Variants in PTPRO observed in about 807,000 individuals in gnomAD.
PTPRO encodes the protein protein tyrosine phosphatase receptor type O.
Under a neutral mutation model 145.2 loss-of-function variants are expected in PTPRO, and 62 were observed. The ratio of observed to expected loss-of-function variants is 0.43; its 90% confidence interval spans 0.35 to 0.53. The LOEUF (loss-of-function observed/expected upper bound fraction) is 0.53, where lower values mean the gene tolerates loss of function less well. Among genes scored for constraint, PTPRO ranks in the 20% least tolerant of loss-of-function variants. The pLI, the probability that PTPRO is intolerant of heterozygous loss-of-function variation, is 0.01. For missense variants in PTPRO, 1,345 were observed against 1,482.7 expected (o/e 0.91, Z 1.53); for synonymous variants, 565 against 514.7 (o/e 1.10, Z -1.32).
intron 12 of PTPRO, among the ~76,000 whole-genome samples, chr12:15,529,472 A>AG (rs1942912471): frequency 6.6e-6 from 1 of 151,178 alleles, no homozygotes; most frequent in African/African-American, 2.4e-5. Flanking sequence ...TCTACTAAAA[A>AG]AAAAAAAAAA....
intron 1 of PTPRO, chr12:15,439,733 A>G: frequency 1.8e-6 from 1 of 541,150 alleles, no homozygotes; most frequent in Non-Finnish European, 3.6e-6. Flanking sequence ...CCTCCTAGTC[A>G]AGGACATGAA....
intron 17 of PTPRO, among the ~76,000 whole-genome samples, chr12:15,560,640 A>T (rs1366178064): frequency 6.6e-6 from 1 of 152,128 alleles, no homozygotes; most frequent in Non-Finnish European, 1.5e-5. Flanking sequence ...ATGCATTAAG[A>T]TGGAGAAATC....
At chr12:15,367,198 A>C (rs1357671406) in intron 1 of PTPRO, among the ~76,000 whole-genome samples, 1 of 152,220 alleles carries the variant, frequency 6.6e-6, no homozygotes, top group African/African-American at 2.4e-5. Context: ...TCAAAGTAAG[A>C]AAATTTATAG....
intron 12 of PTPRO, among the ~76,000 whole-genome samples, chr12:15,529,467 T>TA (rs371217992): frequency 0.44 from 57,848 of 131,452 alleles, 12,196 homozygotes; most frequent in Admixed American, 0.49. Context: ...TCATCTCTAC[T>TA]AAAAAAAAAA....
intron 1 of PTPRO, among the ~76,000 whole-genome samples, chr12:15,413,743 A>C (rs1297163906): frequency 6.6e-6 from 1 of 152,156 alleles, no homozygotes; most frequent in East Asian, 1.9e-4. Flanking sequence ...TGAGCCTGAG[A>C]GGCGGAGGTT....
chr12:15,341,384 G>T (rs569738791), intron 1 of PTPRO, among the ~76,000 whole-genome samples: 15 of 152,178 alleles, frequency 9.9e-5, no homozygotes, highest in African/African-American at 3.6e-4. Flanking sequence ...TAGTTAAGCA[G>T]GCTATGTCAT....
chr12:15,367,834 C>T (rs534008043), intron 1 of PTPRO, among the ~76,000 whole-genome samples: 5 of 152,262 alleles, frequency 3.3e-5, no homozygotes, highest in African/African-American at 7.2e-5. Context: ...ACCTGACGGG[C>T]TGTTGTTGGG....
intron 14 of PTPRO, among the ~76,000 whole-genome samples, chr12:15,550,990 G>T (rs1432457962): frequency 6.6e-6 from 1 of 152,116 alleles, no homozygotes; most frequent in Non-Finnish European, 1.5e-5. Flanking sequence ...CTTGAGCTGT[G>T]CAGATGGAAA....
At chr12:15,591,359 A>G (rs771008107) in intron 25 of PTPRO, among the ~76,000 whole-genome samples, 68 of 152,092 alleles carry the variant, frequency 4.5e-4, no homozygotes, top group Non-Finnish European at 3.2e-4. Flanking sequence ...CGACAGAGTG[A>G]GACTCCATCT....
At chr12:15,434,388 C>T (rs567556129) in intron 1 of PTPRO, among the ~76,000 whole-genome samples, 1 of 152,246 alleles carries the variant, frequency 6.6e-6, no homozygotes, top group Admixed American at 6.5e-5. Context: ...GCATGTTTCT[C>T]ATATAAGTAA....
At chr12:15,441,647 CAATCAG>C (rs1940767789) in intron 1 of PTPRO, among the ~76,000 whole-genome samples, 1 of 152,004 alleles carries the variant, frequency 6.6e-6, no homozygotes, top group Non-Finnish European at 1.5e-5. Flanking sequence ...CAAATAAGCA[CAATCAG>C]AAATGACAAA....
At chr12:15,340,045 A>G (rs1452141665) in intron 1 of PTPRO, among the ~76,000 whole-genome samples, 1 of 152,218 alleles carries the variant, frequency 6.6e-6, no homozygotes, top group African/African-American at 2.4e-5. Context: ...ATTGATAATG[A>G]TGGAGATGAT....
intron 12 of PTPRO, among the ~76,000 whole-genome samples, chr12:15,538,502 C>T (rs1010717877): frequency 5.3e-5 from 8 of 152,152 alleles, no homozygotes; most frequent in African/African-American, 1.9e-4. Flanking sequence ...GGATTACAGG[C>T]GTGAGCCACC....
intron 1 of PTPRO, among the ~76,000 whole-genome samples, chr12:15,425,390 C>G (rs1335696527): frequency 6.6e-6 from 1 of 152,100 alleles, no homozygotes; most frequent in African/African-American, 2.4e-5. Context: ...ACATAACTTC[C>G]CAAGGCCTTA....
At chr12:15,450,778 A>C (rs1941024497) in intron 1 of PTPRO, among the ~76,000 whole-genome samples, 1 of 152,030 alleles carries the variant, frequency 6.6e-6, no homozygotes, top group African/African-American at 2.4e-5. Flanking sequence ...GTCTCAAAAA[A>C]AATTTTTTTT....
chr12:15,376,302 T>A (rs567051622), intron 1 of PTPRO, among the ~76,000 whole-genome samples: 2 of 152,256 alleles, frequency 1.3e-5, no homozygotes, highest in African/African-American at 4.8e-5. Flanking sequence ...GGAACTAACA[T>A]TCAATATGTT....
chr12:15,379,248 G>A (rs1299708222), intron 1 of PTPRO, among the ~76,000 whole-genome samples: 1 of 151,676 alleles, frequency 6.6e-6, no homozygotes, highest in East Asian at 1.9e-4. Flanking sequence ...GACCAGGTGC[G>A]CTGGCTCATG....
intron 1 of PTPRO, among the ~76,000 whole-genome samples, chr12:15,445,898 G>A (rs984128522): frequency 1.3e-5 from 2 of 152,072 alleles, no homozygotes; most frequent in South Asian, 2.1e-4. Context: ...GACAGAAACA[G>A]TTCAACTGAA....
intron 1 of PTPRO, among the ~76,000 whole-genome samples, chr12:15,379,010 T>C (rs1361112255): frequency 2.6e-5 from 4 of 151,996 alleles, no homozygotes; most frequent in Admixed American, 1.3e-4. Flanking sequence ...ACAGCTATGA[T>C]AAAGAAAAAT....
Sources: gnomAD v4.1 joint callset for allele counts (sites outside exome capture counted in the v4.1 genomes callset) on GRCh38, gnomAD v4.1.1 for gene constraint, MANE v1.5 for transcripts, NCBI Gene and HGNC (gene_info 2026-07-23, HGNC 2026-07-21) for gene names.